RAB37: variants seen among roughly 807,000 people sequenced by gnomAD.
The protein encoded by RAB37 is ras-related protein Rab-37.
A neutral mutation model predicts 33.1 loss-of-function variants in RAB37; 29 were observed. That is an observed-to-expected ratio of 0.88 (90% CI 0.65 to 1.20). The LOEUF (loss-of-function observed/expected upper bound fraction) is 1.20. Among genes scored for constraint, RAB37 ranks in the 50% most tolerant of loss-of-function variants. The pLI is 0.00. For synonymous variants in RAB37, 128 were observed against 119.5 expected (o/e 1.07, Z -0.47); for missense variants, 299 against 301.1 (o/e 0.99, Z 0.05).
chr17:74,737,495 G>C, intron 1 of RAB37, 130 bp downstream of exon 1: 1 of 1,092,712 alleles, frequency 9.2e-7, no homozygotes, highest in Non-Finnish European at 1.3e-6. Flanking sequence ...AGAGGGTCAG[G>C]ACACAGCCTC....
chr17:74,717,673 G>A (rs1316791988), intron 1 of RAB37, among the ~76,000 whole-genome samples: 1 of 151,994 alleles, frequency 6.6e-6, no homozygotes, highest in East Asian at 1.9e-4. Context: ...TTAGCCAGAT[G>A]TGGTGCATGC....
chr17:74,741,201 A>G (rs1211621088), intron 2 of RAB37, among the ~76,000 whole-genome samples: 2 of 152,104 alleles, frequency 1.3e-5, no homozygotes. Flanking sequence ...GCCCCTGCTC[A>G]TTGCTCTCCT....
At chr17:74,700,767 C>CA (rs1398808547) in intron 1 of RAB37, among the ~76,000 whole-genome samples, 3 of 151,914 alleles carry the variant, frequency 2.0e-5, no homozygotes, top group Non-Finnish European at 4.4e-5. Context: ...AAACAAACAA[C>CA]AAAAAAAACT....
At chr17:74,728,275 T>C (rs1291820299) in intron 1 of RAB37, among the ~76,000 whole-genome samples, 2 of 152,184 alleles carry the variant, frequency 1.3e-5, no homozygotes, top group Non-Finnish European at 2.9e-5. Flanking sequence ...TTTCCACATG[T>C]CTGTGTGCAT....
Position 74,729,424 on chromosome 17 carries a change from C to A in RAB37, c.183+58C>A. 1 of 1,179,108 alleles carries A rather than the reference C, an allele frequency of 8.5e-7. No homozygotes were observed. Among genetic ancestry groups the A allele is most frequent in the Non-Finnish European group, 1.3e-6 (1 of 782,970 alleles). The allele number at this position is 1,179,108 out of a possible 1,614,324, so 73.0% of individuals were successfully genotyped here. On this transcript the variant is annotated intron_variant, in intron 2 of 7. Transcript: ENST00000340415. The surrounding 1 kb of genome is among the most constrained non-coding windows in gnomAD (Gnocchi z 4.2). ...CTGGGCTCAGGACCCCAGCGTGTTT[C>A]TGTTGAGTGCCAGCAGGAAACAGGT...
Position 74,729,034 on chromosome 17 carries a change from CAT to C in RAB37, c.73-217_73-216del, listed in dbSNP as rs1319529664. On this transcript the variant is annotated intron_variant, in intron 1 of 7. Transcript: ENST00000340415. The surrounding 1 kb of genome is among the most constrained non-coding windows in gnomAD (Gnocchi z 4.2). Reference sequence around the variant, plus strand: ...TGTGTGTATGTGTGTTCTGTGTGTGCATATATGTTTGTGTGTGCATGGGTGTT... The same window carrying C: ...TGTGTGTATGTGTGTTCTGTGTGTGCATATGTTTGTGTGTGCATGGGTGTT... 4.7e-5 allele frequency among the ~76,000 whole-genome samples: 7 copies of C among 150,312 alleles called. No homozygotes were observed. The highest frequency in any genetic ancestry group is 6.6e-5 in the Admixed American group (1 of 15,128).
chr17:74,710,866 CA>C (rs111331327), intron 1 of RAB37, among the ~76,000 whole-genome samples: 251 of 136,560 alleles, frequency 1.8e-3, no homozygotes, highest in African/African-American at 5.9e-3. Context: ...GACTCTGTCT[CA>C]AAAAAAAAAA....
chr17:74,736,576 T>A, upstream of RAB37: 1 of 1,509,882 alleles, frequency 6.6e-7, no homozygotes, highest in Non-Finnish European at 8.8e-7. Context: ...CTGGGAGATG[T>A]GTGCTGCGCA....
chr17:74,723,689 G>A (rs528919473), intron 1 of RAB37, among the ~76,000 whole-genome samples: 1 of 148,986 alleles, frequency 6.7e-6, no homozygotes, highest in African/African-American at 2.5e-5. Flanking sequence ...AGTGATTCTC[G>A]TGCCTCAGCC....
intron 1 of RAB37, among the ~76,000 whole-genome samples, chr17:74,719,619 G>C (rs1232253672): frequency 6.6e-6 from 1 of 152,006 alleles, no homozygotes; most frequent in Non-Finnish European, 1.5e-5. Flanking sequence ...CTGGACTCAA[G>C]TAATCCTCCT....
rs148671179 is a variant in RAB37 at position 74,743,038 on chromosome 17, A to T, written c.247-91A>T. On this transcript the variant is annotated intron_variant, in intron 3 of 8. Coordinates refer to ENST00000392613, the MANE Select transcript of RAB37 (RefSeq NM_001006638.3). ...AGAAAACAGCCCCACCTTCCCACAG[A>T]TATCTCATACAACAAAGCAGGCCTG... 1.1e-3 allele frequency: 1,234 copies of T among 1,142,290 alleles called. 15 individuals carry two copies. The African/African-American group carries it at 0.017, about 16-fold the overall frequency. The allele number at this position is 1,142,290 out of a possible 1,614,324, so 70.8% of individuals were successfully genotyped here. A position where few individuals can be genotyped will look rare whatever the true frequency, so the allele number is the denominator to read the frequency against.
intron 1 of RAB37, chr17:74,694,847 G>A (rs762646348): frequency 5.2e-6 from 2 of 381,700 alleles, no homozygotes; most frequent in South Asian, 2.2e-4. Flanking sequence ...TCCCATGAAA[G>A]CCCCAGAGCA....
At chr17:74,674,930 A>G (rs1215544100) in intron 1 of RAB37, among the ~76,000 whole-genome samples, 2 of 152,202 alleles carry the variant, frequency 1.3e-5, no homozygotes, top group Non-Finnish European at 2.9e-5. Context: ...GGGTAGTCCT[A>G]GAAACTTGCC....
chr17:74,730,904 A>T lies in RAB37; in HGVS notation c.183+1538A>T, dbSNP rs192233357. Among the ~76,000 whole-genome samples, 2 of 152,358 alleles carry T rather than the reference A, an allele frequency of 1.3e-5. No homozygotes were observed. The highest frequency in any genetic ancestry group is 4.8e-5 in the African/African-American group (2 of 41,582). ...ATTGAGGCCGATTTCCTGTGAAGGA[A>T]AAAGAAAGTGTGTGGTCAAACTGTT... On this transcript the variant is annotated intron_variant, in intron 2 of 7. Coordinates refer to the RAB37 transcript ENST00000340415. This position sits in a 1 kb window ranked among gnomAD's most constrained non-coding sequence, Gnocchi z 4.4.
intron 1 of RAB37, among the ~76,000 whole-genome samples, chr17:74,713,500 G>C (rs967016483): frequency 6.6e-6 from 1 of 152,018 alleles, no homozygotes; most frequent in African/African-American, 2.4e-5. Flanking sequence ...CAGATCCACT[G>C]GGTCTGGCCA....
chr17:74,720,902 A>G (rs1047725940), intron 1 of RAB37, among the ~76,000 whole-genome samples: 3 of 152,176 alleles, frequency 2.0e-5, no homozygotes, highest in Non-Finnish European at 2.9e-5. Context: ...GGAGCTGGAA[A>G]AGGGATGGTG....
rs968229572 is a variant in RAB37, at chr17:74,707,188, T to C, written c.73-22068T>C. Among the ~76,000 whole-genome samples, 23 of 152,206 alleles carry C rather than the reference T, an allele frequency of 1.5e-4. No homozygotes were observed. In the East Asian group the frequency reaches 1.9e-3, roughly 13 times the overall value. ...ACAGCAAAGGAAACAACCAAGAGAA[T>C]GAAGCGACAACCTACAGAGTGAGAG... On this transcript the variant is annotated intron_variant, in intron 1 of 7. Transcript: ENST00000340415.
chr17:74,718,704 GTGTT>G (rs2034201272), intron 1 of RAB37, among the ~76,000 whole-genome samples: 1 of 152,216 alleles, frequency 6.6e-6, no homozygotes, highest in South Asian at 2.1e-4. Context: ...AAAGTAATGT[GTGTT>G]TGTTAGAGAA....
At chr17:74,732,369 A>G (rs2034395355), upstream of RAB37, among the ~76,000 whole-genome samples, 1 of 150,886 alleles carries the variant, frequency 6.6e-6, no homozygotes, top group African/African-American at 2.4e-5. Flanking sequence ...CCACATCCCG[A>G]CCCTGTGCTC....
Sources: gnomAD v4.1 joint callset for allele counts (sites outside exome capture counted in the v4.1 genomes callset) on GRCh38, gnomAD v4.1.1 for gene constraint, Gnocchi (gnomAD v3.1) non-coding constraint, MANE v1.5 for transcripts, NCBI Gene and HGNC (gene_info 2026-07-23, HGNC 2026-07-21) for gene names.